The following ARAP2 variants were observed in gnomAD, a reference collection of about 807,000 sequenced individuals.
ARAP2 encodes the protein arf-GAP with Rho-GAP domain, ANK repeat and PH domain-containing protein 2.
A neutral mutation model predicts 194.5 loss-of-function variants in ARAP2; 148 were observed. That is an observed-to-expected ratio of 0.76 (90% CI 0.67 to 0.87). The LOEUF is 0.87. ARAP2 is among the 40% of genes least tolerant of loss of function. The probability of loss-of-function intolerance (pLI) is 0.00; values close to 1 mark genes in which losing one functional copy is unlikely to be tolerated. For synonymous variants in ARAP2, 695 were observed against 683.5 expected (o/e 1.02, Z -0.26); for missense variants, 2,128 against 1,989.7 (o/e 1.07, Z -1.32).
At chr4:36,093,789 C>T (rs1714417589) in intron 27 of ARAP2, among the ~76,000 whole-genome samples, 1 of 152,114 alleles carries the variant, frequency 6.6e-6, no homozygotes, top group African/African-American at 2.4e-5. Context: ...CGTTTGGAGT[C>T]CCCAGTGTCT....
intron 6 of ARAP2, among the ~76,000 whole-genome samples, chr4:36,204,471 A>C (rs1026571992): frequency 6.6e-6 from 1 of 152,220 alleles, no homozygotes; most frequent in Non-Finnish European, 1.5e-5. Context: ...TCTAAAGAAA[A>C]GATGGAAAGA....
At chr4:36,051,555 T>C (rs1722676889) in intron 3 of ARAP2, among the ~76,000 whole-genome samples, 1 of 152,122 alleles carries the variant, frequency 6.6e-6, no homozygotes, top group Admixed American at 6.6e-5. Flanking sequence ...AACAAGGCTA[T>C]GAAGTTCTCC....
intron 6 of ARAP2, among the ~76,000 whole-genome samples, chr4:36,197,756 G>T (rs1743441462): frequency 6.6e-6 from 1 of 152,222 alleles, no homozygotes; most frequent in Non-Finnish European, 1.5e-5. Context: ...CCAGCACAAG[G>T]TGTCTGCATG....
At chr4:36,052,192 A>G (rs528962273) in intron 2 of ARAP2, 9 of 152,284 alleles carry the variant, frequency 5.9e-5, no homozygotes, top group East Asian at 1.9e-4. Flanking sequence ...AAAAATATAC[A>G]TATCAGTAAT....
intron 28 of ARAP2, among the ~76,000 whole-genome samples, chr4:36,086,794 C>T (rs565089217): frequency 1.3e-5 from 2 of 152,196 alleles, no homozygotes; most frequent in Admixed American, 1.3e-4. Flanking sequence ...TAATGATCCC[C>T]TTTACCCATT....
intron 32 of ARAP2, among the ~76,000 whole-genome samples, chr4:36,071,123 T>C (rs1726763582): frequency 6.6e-6 from 1 of 152,216 alleles, no homozygotes; most frequent in African/African-American, 2.4e-5. Context: ...AATAGCAATT[T>C]TGAAAAAAAC....
chr4:36,165,928 C>T (rs1220505276), intron 10 of ARAP2, among the ~76,000 whole-genome samples: 1 of 151,984 alleles, frequency 6.6e-6, no homozygotes, highest in Non-Finnish European at 1.5e-5. Context: ...CTAAATAATC[C>T]TTAAAAATAA....
At chr4:36,138,727 C>G (rs1032117417) in intron 19 of ARAP2, among the ~76,000 whole-genome samples, 1 of 151,588 alleles carries the variant, frequency 6.6e-6, no homozygotes, top group African/African-American at 2.4e-5. Context: ...AAATACCTAG[C>G]AGCTCATTTG....
At position 36,073,780 on chromosome 4, in the gene ARAP2, C is replaced by T. The variant is rs373613587; in HGVS notation, c.4652G>A (p.Arg1551His). Residue 1551 changes from arginine to histidine, a missense_variant, in exon 32 of 33, where the codon CGT (arginine) becomes CAT (histidine). Coordinates refer to ENST00000303965, the MANE Select transcript of ARAP2 (RefSeq NM_015230.4). ...IWPPAGKERK[R>H]SITKNPKIGG... is the part of the protein sequence containing the mutation. ...AATTTTGGGATTTTTGGTTATTGAA[C>T]GTTTTCGTTCCTTTCCAGCTGGTGG... 28 of 1,612,938 alleles carry T rather than the reference C, an allele frequency of 1.7e-5. No individual in the cohort carries two copies. The highest frequency in any genetic ancestry group is 1.6e-4 in the Middle Eastern group (1 of 6,078).
intron 8 of ARAP2, among the ~76,000 whole-genome samples, chr4:36,014,269 GAA>G (rs1386547767): frequency 7.2e-6 from 1 of 138,100 alleles, no homozygotes; most frequent in Non-Finnish European, 1.6e-5. Context: ...AAGAAAGAAA[GAA>G]AGAAAGAAAG....
chr4:36,225,595 C>G (rs1449043919), intron 2 of ARAP2, among the ~76,000 whole-genome samples: 1 of 151,972 alleles, frequency 6.6e-6, no homozygotes, highest in East Asian at 1.9e-4. Flanking sequence ...TTAAAAGGAG[C>G]AGGCAGGAAT....
chr4:36,238,097 T>C (rs1472480005), intron 1 of ARAP2, among the ~76,000 whole-genome samples: 1 of 152,162 alleles, frequency 6.6e-6, no homozygotes, highest in Non-Finnish European at 1.5e-5. Flanking sequence ...TTCACTTACC[T>C]TAGTGTGTGG....
chr4:36,201,184 T>C (rs568606249), intron 6 of ARAP2, among the ~76,000 whole-genome samples: 56 of 152,326 alleles, frequency 3.7e-4, no homozygotes, highest in Admixed American at 8.5e-4. Context: ...GGTAACATTA[T>C]TATATCCATT....
chr4:36,108,515 A>G (rs1577913075), intron 26 of ARAP2, among the ~76,000 whole-genome samples: 2 of 152,008 alleles, frequency 1.3e-5, no homozygotes, highest in East Asian at 3.9e-4. Flanking sequence ...GGAATATAAA[A>G]AACATGATGT....
At chr4:36,012,626 A>C (rs1714768532) in exon 9 of ARAP2, 1 of 152,212 alleles carries the variant, frequency 6.6e-6, no homozygotes, top group South Asian at 2.1e-4. Flanking sequence ...AGAGATCAGA[A>C]GAACTCCTTT....
chr4:36,053,415 T>G (rs1723020333), intron 2 of ARAP2, among the ~76,000 whole-genome samples: 1 of 152,156 alleles, frequency 6.6e-6, no homozygotes, highest in Non-Finnish European at 1.5e-5. Flanking sequence ...TAGCCTAAAC[T>G]TCTACCAAAA....
chr4:36,022,024 G>T (rs912490930), intron 5 of ARAP2, among the ~76,000 whole-genome samples: 1 of 152,118 alleles, frequency 6.6e-6, no homozygotes, highest in Non-Finnish European at 1.5e-5. Flanking sequence ...GCACTGAATA[G>T]TGTAGGCAAC....
chr4:36,028,189 T>G (rs1320556613), intron 5 of ARAP2, among the ~76,000 whole-genome samples: 1 of 152,186 alleles, frequency 6.6e-6, no homozygotes, highest in Non-Finnish European at 1.5e-5. Context: ...TATATTAAAA[T>G]TATGTATGAT....
chr4:36,040,648 C>T (rs2109224934), intron 5 of ARAP2, among the ~76,000 whole-genome samples: 1 of 152,078 alleles, frequency 6.6e-6, no homozygotes, highest in South Asian at 2.1e-4. Context: ...TTGGCTTGGC[C>T]GTTGGTGTAT....
Sources: gnomAD v4.1 joint callset for allele counts (sites outside exome capture counted in the v4.1 genomes callset) on GRCh38, gnomAD v4.1.1 for gene constraint, MANE v1.5 for transcripts, NCBI Gene and HGNC (gene_info 2026-07-23, HGNC 2026-07-21) for gene names.